The following CHD6 variants were observed in gnomAD, a reference collection of about 807,000 sequenced individuals.
The protein encoded by CHD6 is ATP-dependent chromatin remodeler CHD6.
Under a neutral mutation model 276.9 loss-of-function variants are expected in CHD6, and 50 were observed. That is an observed-to-expected ratio of 0.18 (90% CI 0.14 to 0.23). The LOEUF (loss-of-function observed/expected upper bound fraction) is 0.23, where lower values mean the gene tolerates loss of function less well. Ranked by LOEUF, CHD6 falls within the 10% of genes least tolerant of loss-of-function variation. The probability of loss-of-function intolerance (pLI) is 1.00; values close to 1 mark genes in which losing one functional copy is unlikely to be tolerated. For missense variants in CHD6, 2,564 were observed against 3,365.8 expected (o/e 0.76, Z 5.89); for synonymous variants, 1,173 against 1,229.3 (o/e 0.95, Z 0.96).
At chr20:41,580,286 T>C (rs1356783925) in intron 1 of CHD6, among the ~76,000 whole-genome samples, 1 of 152,150 alleles carries the variant, frequency 6.6e-6, no homozygotes, top group Non-Finnish European at 1.5e-5. Context: ...GAATCCAAAA[T>C]ATTGTACCTT....
At chr20:41,573,754 A>C (rs1032860475) in intron 1 of CHD6, among the ~76,000 whole-genome samples, 1 of 152,248 alleles carries the variant, frequency 6.6e-6, no homozygotes, top group African/African-American at 2.4e-5. Flanking sequence ...TATCAATGAA[A>C]GTTTGACAAT....
At chr20:41,449,502 C>T (rs912674147) in intron 23 of CHD6, among the ~76,000 whole-genome samples, 3 of 152,160 alleles carry the variant, frequency 2.0e-5, no homozygotes, top group Non-Finnish European at 2.9e-5. Flanking sequence ...GTATTCAATT[C>T]TCCTCCAAAT....
In CHD6 at chr20:41,421,866, T is replaced by A; in HGVS notation, c.4769A>T (p.Lys1590Ile). The A allele has an allele frequency of 1.2e-6, 2 of 1,614,156 alleles. No individual in the cohort carries two copies. Among genetic ancestry groups the A allele is most frequent in the Non-Finnish European group, 1.7e-6 (2 of 1,180,026 alleles). Residue 1590 changes from lysine (K) to isoleucine (I), a missense_variant, in exon 31 of 37, where the codon AAA becomes ATA. This residue lies in a region of CHD6 where 515 missense variants were observed against 739.5 expected (regional missense o/e 0.70). Coordinates refer to ENST00000373233, the MANE Select transcript of CHD6 (RefSeq NM_032221.5). Reference sequence around the variant, plus strand: ...ACAGTCAGTGCGGTTCAGCCCATGTTTGGCAGTGCCGATGAGCAGGTCTCG... The same window carrying A: ...ACAGTCAGTGCGGTTCAGCCCATGTATGGCAGTGCCGATGAGCAGGTCTCG... Reference protein sequence around the residue: ...HDRDLLIGTAKHGLNRTDCYI... With the variant: ...HDRDLLIGTAIHGLNRTDCYI...
chr20:41,600,277 A>T (rs1025448652), intron 1 of CHD6, among the ~76,000 whole-genome samples: 3 of 152,206 alleles, frequency 2.0e-5, no homozygotes, highest in Non-Finnish European at 4.4e-5. Context: ...TGTTATAATC[A>T]ATGCCTCCCA....
At chr20:41,416,105 T>A (rs551679055) in intron 33 of CHD6, among the ~76,000 whole-genome samples, 1 of 152,298 alleles carries the variant, frequency 6.6e-6, no homozygotes, top group African/African-American at 2.4e-5. Context: ...TCAAAACTCA[T>A]CACCCCCACC....
chr20:41,409,875 T>TACAG (rs2046791990), intron 36 of CHD6, among the ~76,000 whole-genome samples: 4 of 152,212 alleles, frequency 2.6e-5, no homozygotes, highest in Admixed American at 2.6e-4. Context: ...ACTATACACA[T>TACAG]ACAGGTAAAA....
At chr20:41,441,509 C>T (rs951192021) in intron 25 of CHD6, among the ~76,000 whole-genome samples, 1 of 152,168 alleles carries the variant, frequency 6.6e-6, no homozygotes, top group South Asian at 2.1e-4. Flanking sequence ...TGAAATCCTT[C>T]CCTTACTGTC....
chr20:41,414,740 T>C (rs2046942383), intron 34 of CHD6: 1 of 777,094 alleles, frequency 1.3e-6, no homozygotes, highest in Non-Finnish European at 1.6e-6. Flanking sequence ...GTCTCAGTTG[T>C]AGCCCAATAT....
intron 5 of CHD6, among the ~76,000 whole-genome samples, chr20:41,509,022 C>T (rs148764454): frequency 6.6e-6 from 1 of 152,098 alleles, no homozygotes; most frequent in South Asian, 2.1e-4. Flanking sequence ...CAGAAACATA[C>T]AGTTCTACCT....
At chr20:41,458,857 G>A (rs752418586) in intron 17 of CHD6, among the ~76,000 whole-genome samples, 3 of 152,122 alleles carry the variant, frequency 2.0e-5, no homozygotes, top group African/African-American at 4.8e-5. Flanking sequence ...CATGCCATGT[G>A]AGTGAGCCCT....
At chr20:41,521,236 AT>A (rs1351750562) in intron 3 of CHD6, among the ~76,000 whole-genome samples, 1 of 152,244 alleles carries the variant, frequency 6.6e-6, no homozygotes. Flanking sequence ...AACCCCTTCC[AT>A]TAATTGATTA....
intron 17 of CHD6, among the ~76,000 whole-genome samples, chr20:41,464,417 C>A (rs1228091868): frequency 6.6e-6 from 1 of 152,122 alleles, no homozygotes; most frequent in African/African-American, 2.4e-5. Flanking sequence ...GTATTTTTCA[C>A]AAAATATGGG....
intron 1 of CHD6, among the ~76,000 whole-genome samples, chr20:41,599,085 A>G (rs1453502528): frequency 6.6e-6 from 1 of 152,240 alleles, no homozygotes; most frequent in Non-Finnish European, 1.5e-5. Context: ...AACTGTAAAC[A>G]AAAGTGTAGA....
chr20:41,456,437 T>C (rs2048379621), intron 18 of CHD6, among the ~76,000 whole-genome samples: 1 of 151,800 alleles, frequency 6.6e-6, no homozygotes, highest in African/African-American at 2.4e-5. Context: ...AAAAAAAAAA[T>C]GATCCCATGA....
At chr20:41,443,460 T>C (rs1190956451) in intron 25 of CHD6, among the ~76,000 whole-genome samples, 3 of 152,214 alleles carry the variant, frequency 2.0e-5, no homozygotes, top group Non-Finnish European at 2.9e-5. Context: ...TGAGAATTAT[T>C]AATTATATCT....
chr20:41,569,311 G>A (rs945204773), intron 1 of CHD6, among the ~76,000 whole-genome samples: 7 of 151,102 alleles, frequency 4.6e-5, no homozygotes, highest in Non-Finnish European at 7.4e-5. Context: ...ACAAAAATCT[G>A]TTAACACCAT....
intron 24 of CHD6, among the ~76,000 whole-genome samples, chr20:41,447,405 G>T (rs1380040445): frequency 1.3e-5 from 2 of 152,150 alleles, no homozygotes; most frequent in Non-Finnish European, 1.5e-5. Flanking sequence ...ACTCCCACAG[G>T]ATTCTATAGC....
Position 41,497,685 on chromosome 20 carries a change from C to G in CHD6, c.975-184G>C, listed in dbSNP as rs113371782. The G allele has an allele frequency of 6.8e-5, 40 of 590,286 alleles. 1 individual carries two copies. The highest frequency in any genetic ancestry group is 4.5e-4 in the African/African-American group (24 of 53,726). The allele number at this position is 590,286 out of a possible 1,614,324, so 36.6% of individuals were successfully genotyped here. A position where few individuals can be genotyped will look rare whatever the true frequency, so the allele number is the denominator to read the frequency against. ...GGCAACAACAGAAAACAAAACAAAA[C>G]GGAGTAATTCCAAGCAACTGATCTC... On this transcript the variant is annotated intron_variant, in intron 7 of 36. Transcript: ENST00000373233.
Position 41,416,715 on chromosome 20 carries a change from T to C in CHD6, c.6359A>G (p.Glu2120Gly). 1 of 1,613,808 alleles carries C rather than the reference T, an allele frequency of 6.2e-7. No homozygotes were observed. The highest frequency in any genetic ancestry group is 8.5e-7 in the Non-Finnish European group (1 of 1,179,812). ...KGKWPSSQQY[E>G]PSGTLPTPVL... Reference sequence around the variant, plus strand: ...CGGGGTGGGCAGTGTGCCTGAGGGCTCATACTGCTGGCTAGAGGGCCACTT... The same window carrying C: ...CGGGGTGGGCAGTGTGCCTGAGGGCCCATACTGCTGGCTAGAGGGCCACTT... Residue 2120 changes from glutamate to glycine, a missense_variant, in exon 33 of 37, where the codon GAG becomes GGG. Transcript: ENST00000373233.
Sources: allele counts gnomAD v4.1 joint callset (sites outside exome capture counted in the v4.1 genomes callset), GRCh38; gene constraint gnomAD v4.1.1; regional missense constraint gnomAD v4.1.1; transcripts MANE v1.5; gene names NCBI Gene and HGNC (gene_info 2026-07-23, HGNC 2026-07-21).